Variants in P3H2 observed in about 807,000 individuals in gnomAD.
P3H2 encodes leprecan-like 1.
A neutral mutation model predicts 87.0 loss-of-function variants in P3H2; 80 were observed. The observed-to-expected ratio is 0.92, with a 90% CI of 0.77 to 1.11. The LOEUF (loss-of-function observed/expected upper bound fraction) is 1.11. Among genes scored for constraint, P3H2 ranks in the 50% least tolerant of loss-of-function variants. P3H2 has a pLI of 0.00. For missense variants in P3H2, 1,001 were observed against 923.9 expected (o/e 1.08, Z -1.08); for synonymous variants, 367 against 359.3 (o/e 1.02, Z -0.24).
At chr3:190,026,493 G>A (rs747553603) in intron 1 of P3H2, among the ~76,000 whole-genome samples, 2 of 152,134 alleles carry the variant, frequency 1.3e-5, no homozygotes, top group Non-Finnish European at 2.9e-5. Flanking sequence ...CATCCTCACT[G>A]CTACACTCCC....
chr3:190,023,096 G>C lies in P3H2; in HGVS notation c.481-27654C>G, dbSNP rs762067614. 4.8e-4 allele frequency among the ~76,000 whole-genome samples: 73 copies of C among 152,138 alleles called. 2 individuals carry two copies. Among genetic ancestry groups the C allele is most frequent in the Non-Finnish European group, 7.3e-4 (50 of 68,030 alleles). ...CCGCCTTGGCCTCCCAAAGTGCTGGGATTACAGGTGTGAGCCACCACGCCC... is the reference window on the plus strand; with the variant it reads ...CCGCCTTGGCCTCCCAAAGTGCTGGCATTACAGGTGTGAGCCACCACGCCC... On this transcript the variant is annotated intron_variant, in intron 1 of 14. Coordinates refer to ENST00000319332, the MANE Select transcript of P3H2 (RefSeq NM_018192.4).
At chr3:190,013,138 G>T (rs943164192) in intron 1 of P3H2, among the ~76,000 whole-genome samples, 1 of 152,152 alleles carries the variant, frequency 6.6e-6, no homozygotes, top group African/African-American at 2.4e-5. Context: ...GCATGGATGT[G>T]CTCTTCGATA....
At chr3:189,995,500 G>T in intron 1 of P3H2, 58 bp from the exon 2 acceptor site, 1 of 1,518,580 alleles carries the variant, frequency 6.6e-7, no homozygotes, top group Non-Finnish European at 8.9e-7. Flanking sequence ...CACACTCAGA[G>T]AAATACAAAG....
chr3:190,007,473 C>T (rs1448554359), intron 1 of P3H2, among the ~76,000 whole-genome samples: 1 of 152,098 alleles, frequency 6.6e-6, no homozygotes, highest in Non-Finnish European at 1.5e-5. Context: ...CAAATAAGTA[C>T]ATCTTCCTAG....
At chr3:190,057,745 C>G (rs932586460) in intron 1 of P3H2, among the ~76,000 whole-genome samples, 2 of 152,078 alleles carry the variant, frequency 1.3e-5, no homozygotes, top group Non-Finnish European at 2.9e-5. Flanking sequence ...CAATAAAAAC[C>G]CAAACTTTGG....
At chr3:190,002,329 A>ATCC (rs775378007) in intron 1 of P3H2, among the ~76,000 whole-genome samples, 2 of 152,106 alleles carry the variant, frequency 1.3e-5, no homozygotes, top group Non-Finnish European at 2.9e-5. Context: ...ACTACTGGGA[A>ATCC]GCTCAGAATT....
chr3:189,966,123 AAAAGAAAGAAAGAAAG>A (rs34608513), intron 13 of P3H2, among the ~76,000 whole-genome samples: 10,375 of 101,458 alleles, frequency 0.1, 653 homozygotes, highest in Admixed American at 0.14. Flanking sequence ...GAAAGAAAGA[AAAAGAAAGAAAGAAAG>A]AAAGAAAGAA....
chr3:189,986,557 C>A (rs1235846011), intron 6 of P3H2, among the ~76,000 whole-genome samples: 1 of 152,100 alleles, frequency 6.6e-6, no homozygotes, highest in African/African-American at 2.4e-5. Flanking sequence ...CCACTGCACT[C>A]CAGCCTGGGC....
At position 190,019,237 on chromosome 3, in the gene P3H2, A is replaced by G. The variant is rs1311278400; in HGVS notation, c.481-23795T>C. Among the ~76,000 whole-genome samples the G allele has an allele frequency of 3.9e-5, 6 of 152,158 alleles. No individual in the cohort carries two copies. In the South Asian group the frequency reaches 1.2e-3, roughly 32 times the overall value. ...TGTCAACACAGGCTCCTCTCAGGCA[A>G]TGGAGATTAAGGATGCTGATGTTAT... On this transcript the variant is annotated intron_variant, in intron 1 of 14. Transcript: ENST00000319332.
At chr3:189,965,585 G>C (rs144150580) in intron 13 of P3H2, among the ~76,000 whole-genome samples, 1 of 152,322 alleles carries the variant, frequency 6.6e-6, no homozygotes, top group African/African-American at 2.4e-5. Context: ...CGAGTTAGTC[G>C]TGTCCTCAGT....
rs111907824 is a variant in P3H2, at chr3:189,958,969, G to C, written c.2035-965C>G. Reference sequence around the variant, plus strand: ...CTCCCAAAGTGCTGGGATTACAGGAGTGAGCCACTGCACCCGGCCAATCGC... The same window carrying C: ...CTCCCAAAGTGCTGGGATTACAGGACTGAGCCACTGCACCCGGCCAATCGC... On this transcript the variant is annotated intron_variant, in intron 14 of 14. Transcript: ENST00000319332. 3.3e-3 allele frequency among the ~76,000 whole-genome samples: 506 copies of C among 152,068 alleles called. 2 individuals carry two copies. The highest frequency in any genetic ancestry group is 0.012 in the African/African-American group (491 of 41,504).
At chr3:190,031,023 G>A (rs184977769) in intron 1 of P3H2, among the ~76,000 whole-genome samples, 2 of 152,074 alleles carry the variant, frequency 1.3e-5, no homozygotes, top group Admixed American at 1.3e-4. Context: ...TAAAAAGCTG[G>A]AATAAAATAC....
intron 1 of P3H2, among the ~76,000 whole-genome samples, chr3:190,035,167 CT>C (rs1356978561): frequency 2.0e-5 from 3 of 151,866 alleles, no homozygotes; most frequent in Non-Finnish European, 4.4e-5. Flanking sequence ...CTATTTTTTT[CT>C]TTTCTTTTTT....
intron 1 of P3H2, among the ~76,000 whole-genome samples, chr3:190,041,275 A>T (rs1666401): frequency 0.18 from 888 of 4,828 alleles, 183 homozygotes; most frequent in Middle Eastern, 0.33. Context: ...AACCTGTCTT[A>T]AAAAAAAAAA....
chr3:190,111,598 T>C (rs1167562984), intron 1 of P3H2, among the ~76,000 whole-genome samples: 1 of 152,220 alleles, frequency 6.6e-6, no homozygotes, highest in Non-Finnish European at 1.5e-5. Context: ...AATGACACTG[T>C]AGCTTTCATC....
chr3:190,066,158 T>TATATATACACACACACACACACAC (rs1256956930), intron 1 of P3H2, among the ~76,000 whole-genome samples: 13 of 134,598 alleles, frequency 9.7e-5, no homozygotes, highest in African/African-American at 4.0e-4. Context: ...TATATATATA[T>TATATATACACACACACACACACAC]ACACACACAC....
At chr3:190,087,160 A>C (rs944960657) in intron 1 of P3H2, among the ~76,000 whole-genome samples, 3 of 152,196 alleles carry the variant, frequency 2.0e-5, no homozygotes, top group African/African-American at 7.2e-5. Flanking sequence ...CATATTTTAT[A>C]CCACACCGAA....
Position 190,062,877 on chromosome 3 carries a change from G to C in P3H2, c.480+57375C>G, listed in dbSNP as rs563415415. On this transcript the variant is annotated intron_variant, in intron 1 of 14. Coordinates refer to ENST00000319332, the MANE Select transcript of P3H2 (RefSeq NM_018192.4). ...AGCAAGACCCTGGCATAATGAACTG[G>C]TGGGAACAGAATACCAGAATGGGAT... Among the ~76,000 whole-genome samples the C allele has an allele frequency of 3.9e-5, 6 of 152,224 alleles. No homozygotes were observed. The South Asian group carries it at 1.2e-3, about 32-fold the overall frequency.
At chr3:190,100,303 ATTTT>A (rs2108515084) in intron 1 of P3H2, among the ~76,000 whole-genome samples, 1 of 130,914 alleles carries the variant, frequency 7.6e-6, no homozygotes, top group South Asian at 2.5e-4. Context: ...TGCCAAGGTC[ATTTT>A]TCTCTGCAAT....
Sources: allele counts gnomAD v4.1 joint callset (sites outside exome capture counted in the v4.1 genomes callset), GRCh38; gene constraint gnomAD v4.1.1; transcripts MANE v1.5; gene names NCBI Gene and HGNC (gene_info 2026-07-23, HGNC 2026-07-21).